Variants in MAGEA12 observed in about 807,000 individuals in gnomAD.
MAGEA12 encodes the protein MAGE family member A12, also known as melanoma-associated antigen 12.
For missense variants in MAGEA12, 235 were observed against 240.1 expected (o/e 0.98, Z 0.14); for synonymous variants, 135 against 104.7 (o/e 1.29, Z -1.77).
chrX:152,736,128 C>A lies in MAGEA12; in HGVS notation c.-34C>A, dbSNP rs1932314236. Reference sequence around the variant, plus strand: ...CCCCGGAGCAGCACTAGCTCCTGCCCACACTCCTACCTGCTGCCCTGACCA... The same window carrying A: ...CCCCGGAGCAGCACTAGCTCCTGCCAACACTCCTACCTGCTGCCCTGACCA... On this transcript the variant is annotated 5_prime_UTR_variant, in exon 3 of 3. Transcript: ENST00000393869. 1.7e-6 allele frequency: 2 copies of A among 1,195,878 alleles called. No individual in the cohort carries two copies. Among genetic ancestry groups the A allele is most frequent in the Non-Finnish European group, 2.3e-6 (2 of 886,283 alleles).
chrX:152,735,664 G>A lies in MAGEA12; in HGVS notation c.-76+411G>A, dbSNP rs1423996659. ...TGAGAGTTTCTTTGGCCAGCAAAAG[G>A]GCGGTATTAGGCCCTGCAAGGAGAA... On this transcript the variant is annotated intron_variant, in intron 2 of 2. Transcript: ENST00000393869. 2.8e-4 allele frequency among the ~76,000 whole-genome samples: 31 copies of A among 112,215 alleles called. 1 individual carries two copies. Among genetic ancestry groups the A allele is most frequent in the Middle Eastern group, 9.2e-3 (2 of 217 alleles).
rs1932358508 is a variant in MAGEA12, at chrX:152,737,611, A to G, written c.*505A>G. 5.3e-6 allele frequency: 1 copy of G among 187,202 alleles called. No homozygotes were observed. Among genetic ancestry groups the G allele is most frequent in the Non-Finnish European group, 1.0e-5 (1 of 95,970 alleles). The allele number at this position is 187,202 out of a possible 1,213,427, so 15.4% of individuals were successfully genotyped here. The stretch of plus-strand genomic sequence containing the variant: ...CTGTAAATTTGAAAAAAAAGCATGG[A>G]TACCTGGATATCCTTGGCTTCTTTG... On this transcript the variant is annotated 3_prime_UTR_variant, in exon 3 of 3. Coordinates refer to ENST00000393869, the MANE Select transcript of MAGEA12 (RefSeq NM_001166387.4).
rs181250114 is a variant in MAGEA12 at position 152,736,735 on chromosome X, G to A, written c.574G>A (p.Asp192Asn). 1.2e-5 allele frequency: 15 copies of A among 1,210,347 alleles called. No individual in the cohort carries two copies. Among genetic ancestry groups the A allele is most frequent in the Admixed American group, 4.4e-5 (2 of 45,873 alleles). Residue 192 changes from aspartate (D) to asparagine (N), a missense_variant, in exon 3 of 3, where the codon GAC (aspartate) becomes AAC (asparagine). Physicochemically the swap from Asp to Asn is conservative, Grantham distance 23. Coordinates refer to ENST00000393869, the MANE Select transcript of MAGEA12 (RefSeq NM_001166387.4). ...LGLSYDGLLG[D>N]NQIVPKTGLL... ...CCTCTCCTACGATGGCCTGCTGGGCGACAATCAGATCGTGCCCAAGACAGG... is the reference window on the plus strand; with the variant it reads ...CCTCTCCTACGATGGCCTGCTGGGCAACAATCAGATCGTGCCCAAGACAGG...
rs782103406 is a variant in MAGEA12 at position 152,736,725 on chromosome X, C to T, written c.564C>T (p.Gly188=). 4.5e-5 allele frequency: 54 copies of T among 1,210,366 alleles called. 1 individual carries two copies. The South Asian group carries it at 7.6e-4, about 17-fold the overall frequency. ...CCTGCCTGGGCCTCTCCTACGATGG[C>T]CTGCTGGGCGACAATCAGATCGTGC... ...LVTCLGLSYD[G]LLGDNQIVPK... Residue 188 remains glycine (G), a synonymous_variant, in exon 3 of 3, where the codon GGC becomes GGT. Transcript: ENST00000393869.
At chrX:152,735,667 G>A (rs1174955551) in intron 2 of MAGEA12, among the ~76,000 whole-genome samples, 4 of 112,201 alleles carry the variant, frequency 3.6e-5, no homozygotes, top group African/African-American at 9.7e-5. Flanking sequence ...GCAAAAGGGC[G>A]GTATTAGGCC....
At chrX:152,734,229 G>A (rs1955738207) in intron 1 of MAGEA12, among the ~76,000 whole-genome samples, 1 of 83,103 alleles carries the variant, frequency 1.2e-5, no homozygotes, top group Non-Finnish European at 2.2e-5. Flanking sequence ...AAACATCAAC[G>A]GGACCCCCAA....
Position 152,736,926 on chromosome X carries a change from C to T in MAGEA12, c.765C>T (p.Tyr255=). The T allele has an allele frequency of 8.3e-7, 1 of 1,212,041 alleles. No individual in the cohort carries two copies. The highest frequency in any genetic ancestry group is 1.1e-6 in the Non-Finnish European group (1 of 895,590). ...LLTQDLVQEN[Y]LEYRQVPGSD... is the part of the protein sequence containing the mutation. ...CCCAAGATTTGGTGCAGGAAAACTA[C>T]CTGGAGTACCGGCAGGTCCCCGGCA... The change falls in exon 3 of 3, where the codon TAC becomes TAT. Residue 255 remains tyrosine (Y), a synonymous_variant. Transcript: ENST00000393869.
chrX:152,734,744 G>A (rs1414434246), intron 1 of MAGEA12, among the ~76,000 whole-genome samples: 1 of 112,138 alleles, frequency 8.9e-6, no homozygotes, highest in Non-Finnish European at 1.9e-5. Context: ...TGGCACTTCA[G>A]GTCAGCAGAG....
chrX:152,737,514 A>G lies in MAGEA12; in HGVS notation c.*408A>G. 1 of 272,584 alleles carries G rather than the reference A, an allele frequency of 3.7e-6. No homozygotes were observed. The highest frequency in any genetic ancestry group is 4.2e-5 in the South Asian group (1 of 23,693). 22.5% of individuals were successfully genotyped at this position (272,584 alleles called of 1,213,427 possible). A position where few individuals can be genotyped will look rare whatever the true frequency, so the allele number is the denominator to read the frequency against. Reference sequence around the variant, plus strand: ...TGCTTAGAATTGTGAAAGAATTAGCAGTAAAATACATGAGATAAAGACCTC... The same window carrying G: ...TGCTTAGAATTGTGAAAGAATTAGCGGTAAAATACATGAGATAAAGACCTC... On this transcript the variant is annotated 3_prime_UTR_variant, in exon 3 of 3. Coordinates refer to ENST00000393869, the MANE Select transcript of MAGEA12 (RefSeq NM_001166387.4).
In MAGEA12 at chrX:152,736,467, G is replaced by A. The variant is rs782104453; in HGVS notation, c.306G>A (p.Glu102=). The A allele has an allele frequency of 6.6e-6, 8 of 1,212,068 alleles. No individual in the cohort carries two copies. The South Asian group carries it at 1.4e-4, about 21-fold the overall frequency. Residue 102 remains glutamate (E), a synonymous_variant, in exon 3 of 3, where the codon GAG becomes GAA. Coordinates refer to ENST00000393869, the MANE Select transcript of MAGEA12 (RefSeq NM_001166387.4). Reference sequence around the variant, plus strand: ...GGCCAAGCACCTTTCCTGACCTGGAGACGAGCTTCCAAGTAGCACTCAGTA... The same window carrying A: ...GGCCAAGCACCTTTCCTGACCTGGAAACGAGCTTCCAAGTAGCACTCAGTA... The part of the protein sequence containing the change: ...QEGPSTFPDL[E]TSFQVALSRK...
rs782469348 is a variant in MAGEA12, at chrX:152,737,080, T to C, written c.919T>C (p.Trp307Arg). 4.1e-6 allele frequency: 5 copies of C among 1,209,568 alleles called. No homozygotes were observed. The highest frequency in any genetic ancestry group is 1.8e-5 in the African/African-American group (1 of 57,101). Residue 307 changes from tryptophan to arginine, a missense_variant, in exon 3 of 3, where the codon TGG becomes CGG. By Grantham distance (101) the Trp-to-Arg change is moderately radical (BLOSUM62 -3). Transcript: ENST00000393869. ...PHISYPPLHE[W>R]AFREGEE ...CATTTCCTACCCACCCCTGCATGAATGGGCTTTTAGAGAGGGGGAAGAGTG... is the reference window on the plus strand; with the variant it reads ...CATTTCCTACCCACCCCTGCATGAACGGGCTTTTAGAGAGGGGGAAGAGTG...
Position 152,737,139 on chromosome X carries a change from GA to G in MAGEA12, c.*34del, listed in dbSNP as rs1932345608. Reference sequence around the variant, plus strand: ...CACGAGTTGCAGCCAGGGCCAGTGGGAGGGGGTCTGGGCCAGTGCACCTTCC... The same window carrying G: ...CACGAGTTGCAGCCAGGGCCAGTGGGGGGGGTCTGGGCCAGTGCACCTTCC... On this transcript the variant is annotated 3_prime_UTR_variant, in exon 3 of 3. Transcript: ENST00000393869. 8.5e-7 allele frequency: 1 copy of G among 1,176,397 alleles called. No individual in the cohort carries two copies. Among genetic ancestry groups the G allele is most frequent in the South Asian group, 1.8e-5 (1 of 54,229 alleles).
At chrX:152,735,867 A>C (rs1422078021) in intron 2 of MAGEA12, among the ~76,000 whole-genome samples, 1 of 112,306 alleles carries the variant, frequency 8.9e-6, no homozygotes, top group Admixed American at 9.3e-5. Flanking sequence ...CAAGGCAGTG[A>C]GGCCTTGGTC....
chrX:152,733,980 T>G (rs1556227149), intron 1 of MAGEA12, 121 bp downstream of exon 1: 1 of 109,633 alleles, frequency 9.1e-6, no homozygotes, highest in Non-Finnish European at 1.9e-5. Context: ...TCAGGCTGAG[T>G]CGCCACCACC....
intron 1 of MAGEA12, among the ~76,000 whole-genome samples, chrX:152,734,666 G>A (rs1376191253): frequency 8.9e-6 from 1 of 112,007 alleles, no homozygotes; most frequent in African/African-American, 3.3e-5. Flanking sequence ...CCTGGGCACA[G>A]TGGCCTAATG....
rs1242579512 is a variant in MAGEA12 at position 152,733,840 on chromosome X, A to AG, written c.-199dup. The AG allele has an allele frequency of 9.0e-6, 1 of 110,614 alleles. No individual in the cohort carries two copies. The highest frequency in any genetic ancestry group is 3.3e-5 in the African/African-American group (1 of 30,291). 9.1% of individuals were successfully genotyped at this position (110,614 alleles called of 1,213,427 possible). A position where few individuals can be genotyped will look rare whatever the true frequency, so the allele number is the denominator to read the frequency against. On this transcript the variant is annotated 5_prime_UTR_variant, in exon 1 of 3. Transcript: ENST00000393869. ...GACGTCGGTGGAGGGAAGCAGGCGC[A>AG]GGCTCCGTGAGGAGGCAAGGTAAGA...
At chrX:152,735,317 G>A (rs1259690621) in intron 2 of MAGEA12, 64 bp downstream of exon 2, 4 of 120,043 alleles carry the variant, frequency 3.3e-5, no homozygotes, top group African/African-American at 9.7e-5. Flanking sequence ...GGGCCCCACA[G>A]AAATCTGCCC....
At chrX:152,735,910 G>A (rs1932306778) in intron 2 of MAGEA12, among the ~76,000 whole-genome samples, 177 bp from the exon 3 acceptor site, 1 of 112,488 alleles carries the variant, frequency 8.9e-6, no homozygotes, top group African/African-American at 3.2e-5. Flanking sequence ...AGAGCAGAGG[G>A]GGTGCAGACA....
At position 152,736,534 on chromosome X, in the gene MAGEA12, C is replaced by G. The variant is rs782257764; in HGVS notation, c.373C>G (p.Arg125Gly). The G allele has an allele frequency of 2.5e-6, 3 of 1,211,879 alleles. No individual in the cohort carries two copies. The highest frequency in any genetic ancestry group is 3.5e-5 in the South Asian group (2 of 56,965). The change falls in exon 3 of 3, where the codon CGA becomes GGA. Residue 125 changes from arginine to glycine, a missense_variant. By Grantham distance (125) the Arg-to-Gly change is moderately radical (BLOSUM62 -2). Coordinates refer to ENST00000393869, the MANE Select transcript of MAGEA12 (RefSeq NM_001166387.4). ...ELVHFLLLKY[R>G]AREPFTKAEM... ...GGTTCATTTTCTGCTCCTCAAGTAT[C>G]GAGCCAGGGAGCCATTCACAAAGGC...
Sources: allele counts gnomAD v4.1 joint callset (sites outside exome capture counted in the v4.1 genomes callset), GRCh38; gene constraint gnomAD v4.1.1; transcripts MANE v1.5; gene names NCBI Gene and HGNC (gene_info 2026-07-23, HGNC 2026-07-21).